Variants in SPRY3 observed in about 807,000 individuals in gnomAD.
The protein encoded by SPRY3 is protein sprouty homolog 3.
Under a neutral mutation model 20.2 loss-of-function variants are expected in SPRY3, and 15 were observed. The observed-to-expected ratio is 0.74, with a 90% CI of 0.50 to 1.14. SPRY3 has a LOEUF of 1.14. SPRY3 is among the 50% of genes most tolerant of loss of function. SPRY3 has a pLI of 0.00. For missense variants in SPRY3, 364 were observed against 363.9 expected, an observed-to-expected ratio of 1.00 and a Z score of 0.00; for synonymous variants, 143 against 136.5, an observed-to-expected ratio of 1.05 and a Z score of -0.33.
chrX:155,764,062 T>G (rs2091314870), intron 2 of SPRY3, among the ~76,000 whole-genome samples: 1 of 152,142 alleles, frequency 6.6e-6, no homozygotes, highest in Non-Finnish European at 1.5e-5. Context: ...TTATTGAAAA[T>G]CAATGGCTTT....
intron 2 of SPRY3, among the ~76,000 whole-genome samples, chrX:155,739,289 A>G (rs2091189585): frequency 6.6e-6 from 1 of 152,156 alleles, no homozygotes; most frequent in African/African-American, 2.4e-5. Context: ...GACCAGGGTT[A>G]TATGGACATA....
intron 1 of SPRY3, among the ~76,000 whole-genome samples, chrX:155,634,396 C>A (rs2067916997): frequency 9.0e-6 from 1 of 111,471 alleles, no homozygotes; most frequent in Admixed American, 9.5e-5. Context: ...TCTTATGCAC[C>A]ATCATGATAT....
intron 2 of SPRY3, among the ~76,000 whole-genome samples, chrX:155,679,050 C>T (rs1294798979): frequency 1.8e-5 from 2 of 110,188 alleles, no homozygotes; most frequent in Non-Finnish European, 3.8e-5. Context: ...CCTGTAGGGG[C>T]GTGGGGGGCT....
At chrX:155,675,307 G>A (rs1210789858) in intron 2 of SPRY3, among the ~76,000 whole-genome samples, 1 of 111,433 alleles carries the variant, frequency 9.0e-6, no homozygotes, top group African/African-American at 3.3e-5. Flanking sequence ...GTGGGAATGT[G>A]TCTGTGGATT....
intron 2 of SPRY3, among the ~76,000 whole-genome samples, chrX:155,767,620 A>G (rs1353010568): frequency 7.5e-6 from 1 of 133,830 alleles, no homozygotes; most frequent in Non-Finnish European, 1.6e-5. Flanking sequence ...GAGGAGGGGA[A>G]GGAAAATACT....
At chrX:155,707,577 T>C (rs996323548) in intron 2 of SPRY3, among the ~76,000 whole-genome samples, 5 of 151,272 alleles carry the variant, frequency 3.3e-5, no homozygotes, top group Non-Finnish European at 5.9e-5. Context: ...TGCTGCTTTT[T>C]TCAATTCTTT....
chrX:155,612,962 G>T (rs782405619), intron 1 of SPRY3: 1 of 112,306 alleles, frequency 8.9e-6, no homozygotes, highest in East Asian at 2.8e-4. Context: ...TGTAGGCCCC[G>T]CCCCACTCCT....
At chrX:155,764,499 T>G (rs2091316785) in intron 2 of SPRY3, among the ~76,000 whole-genome samples, 1 of 152,124 alleles carries the variant, frequency 6.6e-6, no homozygotes, top group African/African-American at 2.4e-5. Context: ...AAAGAACAAA[T>G]AAAGATATTC....
At chrX:155,718,622 T>A (rs918310666) in intron 2 of SPRY3, among the ~76,000 whole-genome samples, 15 of 152,090 alleles carry the variant, frequency 9.9e-5, no homozygotes, top group African/African-American at 3.6e-4. Context: ...GATACAAATA[T>A]AATCATATTA....
At chrX:155,774,491 C>A in exon 4 of SPRY3, 1 of 1,614,030 alleles carries the variant, frequency 6.2e-7, no homozygotes, top group Non-Finnish European at 8.5e-7. Flanking sequence ...GACAACTGTG[C>A]TGATGAGCCC....
In SPRY3 at chrX:155,774,724, G is replaced by T; in HGVS notation, c.853G>T (p.Glu285Ter). 1 of 1,612,142 alleles carries T rather than the reference G, an allele frequency of 6.2e-7. No individual in the cohort carries two copies. Among genetic ancestry groups the T allele is most frequent in the Non-Finnish European group, 8.5e-7 (1 of 1,178,702 alleles). The change falls in exon 4 of 4, where the codon GAA becomes TAA. Residue 285 changes from glutamate to a stop codon, truncating the protein, a stop_gained. Coordinates refer to ENST00000675360, the Ensembl canonical transcript of SPRY3. LOFTEE classifies it high-confidence loss of function. ...TAGTGCACCCTTCCCCAAGGCCCAG[G>T]AAAAGTCTGTATGACCTTCCAACAA...
intron 2 of SPRY3, among the ~76,000 whole-genome samples, chrX:155,725,575 T>C (rs1362681163): frequency 6.6e-6 from 1 of 152,178 alleles, no homozygotes; most frequent in Non-Finnish European, 1.5e-5. Context: ...GGAATTTATC[T>C]ATTTCTTCTA....
chrX:155,765,063 A>G (rs1433909250), intron 2 of SPRY3, among the ~76,000 whole-genome samples: 2 of 152,166 alleles, frequency 1.3e-5, no homozygotes, highest in African/African-American at 4.8e-5. Context: ...AACTAATCCC[A>G]TTCATGAGGG....
intron 2 of SPRY3, among the ~76,000 whole-genome samples, chrX:155,754,348 A>C (rs1440609167): frequency 5.9e-5 from 9 of 151,964 alleles, no homozygotes; most frequent in African/African-American, 2.2e-4. Context: ...TGAAGAGATT[A>C]TTCTTTCTCC....
intron 2 of SPRY3, among the ~76,000 whole-genome samples, chrX:155,717,818 G>A (rs2091032959): frequency 6.6e-6 from 1 of 152,068 alleles, no homozygotes; most frequent in Non-Finnish European, 1.5e-5. Flanking sequence ...ATGGGCATTT[G>A]GGTCGGTTCC....
At chrX:155,779,259 A>G (rs1459347704), downstream of SPRY3, 4 of 167,182 alleles carry the variant, frequency 2.4e-5, no homozygotes, top group Non-Finnish European at 5.9e-5. Flanking sequence ...GCTCCACTAT[A>G]AACAGTAAGG....
At chrX:155,728,035 C>T (rs1224050256) in intron 2 of SPRY3, among the ~76,000 whole-genome samples, 1 of 152,082 alleles carries the variant, frequency 6.6e-6, no homozygotes, top group Non-Finnish European at 1.5e-5. Context: ...GTTAGTTTTC[C>T]TTCTGACAGT....
downstream of SPRY3, chrX:155,778,821 T>G (rs1236917046): frequency 2.4e-5 from 4 of 167,064 alleles, no homozygotes; most frequent in Non-Finnish European, 4.4e-5. Context: ...CACACAGTTC[T>G]GAAAATTGAG....
intron 2 of SPRY3, among the ~76,000 whole-genome samples, chrX:155,726,088 T>C (rs2091095077): frequency 1.3e-5 from 2 of 152,198 alleles, no homozygotes; most frequent in African/African-American, 2.4e-5. Context: ...ACAGTAGTCA[T>C]TCAGGAGCTG....
Sources: allele counts gnomAD v4.1 joint callset (sites outside exome capture counted in the v4.1 genomes callset), GRCh38; gene constraint gnomAD v4.1.1; transcripts MANE v1.5; gene names NCBI Gene and HGNC (gene_info 2026-07-23, HGNC 2026-07-21).